Variants in DYNC2H1 observed in about 807,000 individuals in gnomAD.
The protein encoded by DYNC2H1 is dynein cytoplasmic 2 heavy chain 1, also known as cytoplasmic dynein 2 heavy chain 1.
A neutral mutation model predicts 570.0 loss-of-function variants in DYNC2H1; 410 were observed. The observed-to-expected ratio is 0.72, with a 90% CI of 0.66 to 0.78. The LOEUF (loss-of-function observed/expected upper bound fraction) is 0.78. Ranked by LOEUF, DYNC2H1 falls within the 30% of genes least tolerant of loss-of-function variation. The pLI is 0.00. For missense variants in DYNC2H1, 4,865 were observed against 5,046.4 expected (o/e 0.96, Z 1.09); for synonymous variants, 1,688 against 1,677.6 (o/e 1.01, Z -0.15).
intron 18 of DYNC2H1, among the ~76,000 whole-genome samples, chr11:103,144,020 G>T (rs895065400): frequency 6.6e-6 from 1 of 152,120 alleles, no homozygotes; most frequent in Middle Eastern, 3.2e-3. Flanking sequence ...AATACTTAGT[G>T]CACATTTATA....
chr11:103,176,137 T>C (rs72989749), intron 36 of DYNC2H1, 98 bp from the exon 37 acceptor site: 25,913 of 866,600 alleles, frequency 0.03, 479 homozygotes, highest in Middle Eastern at 0.046. Flanking sequence ...CTAGTGCATT[T>C]AATGATTAAT....
chr11:103,222,968 G>A lies in DYNC2H1; in HGVS notation c.9235G>A (p.Ala3079Thr). Reference protein sequence around the residue: ...KNKGSFDPKNAKRASTAAAPL... With the variant: ...KNKGSFDPKNTKRASTAAAPL... ...TCACTTCTCATGGATTTTTCAGAAT[G>A]CTAAGCGTGCCAGTACTGCAGCTGC... The change falls in exon 59 of 89, where the codon GCT (alanine) becomes ACT (threonine). Residue 3079 changes from alanine (A) to threonine (T), a missense_variant. Ala to Thr is a moderately conservative substitution (Grantham distance 58). Transcript: ENST00000375735. The A allele has an allele frequency of 6.2e-7, 1 of 1,612,724 alleles. No individual in the cohort carries two copies. Among genetic ancestry groups the A allele is most frequent in the Non-Finnish European group, 8.5e-7 (1 of 1,179,292 alleles).
chr11:103,390,346 C>G (rs1302836652), intron 83 of DYNC2H1, among the ~76,000 whole-genome samples: 1 of 149,974 alleles, frequency 6.7e-6, no homozygotes. Context: ...TTTCCATTTG[C>G]TTGATAGATT....
chr11:103,212,547 T>C (rs570943374), intron 54 of DYNC2H1, among the ~76,000 whole-genome samples: 3 of 152,264 alleles, frequency 2.0e-5, no homozygotes, highest in African/African-American at 7.2e-5. Context: ...GATTATATTT[T>C]ATAAAGTAAT....
At chr11:103,318,930 C>T (rs1260967163) in intron 80 of DYNC2H1, among the ~76,000 whole-genome samples, 1 of 152,096 alleles carries the variant, frequency 6.6e-6, no homozygotes, top group African/African-American at 2.4e-5. Flanking sequence ...AACTACTTTC[C>T]TGCACTACGT....
chr11:103,340,204 G>T (rs1939374677), intron 82 of DYNC2H1, among the ~76,000 whole-genome samples: 1 of 152,152 alleles, frequency 6.6e-6, no homozygotes, highest in Non-Finnish European at 1.5e-5. Context: ...TGGTGTTCCT[G>T]CATGGGGGAT....
chr11:103,185,415 G>T lies in DYNC2H1; in HGVS notation c.6633+364G>T, dbSNP rs61899766. ...ATCCTTTTAACTAGAGCAGTTTTAGGAATTGGGAATATTAGGATGAATTAA... is the reference window on the plus strand; with the variant it reads ...ATCCTTTTAACTAGAGCAGTTTTAGTAATTGGGAATATTAGGATGAATTAA... On this transcript the variant is annotated intron_variant, in intron 41 of 88. Coordinates refer to ENST00000375735, the MANE Select transcript of DYNC2H1 (RefSeq NM_001377.3). The surrounding 1 kb of genome is among the most constrained non-coding windows in gnomAD (Gnocchi z 4.5). 4.6e-5 allele frequency among the ~76,000 whole-genome samples: 7 copies of T among 151,698 alleles called. No homozygotes were observed. Among genetic ancestry groups the T allele is most frequent in the Admixed American group, 4.6e-4 (7 of 15,182 alleles).
At position 103,203,649 on chromosome 11, in the gene DYNC2H1, AT is replaced by A; in HGVS notation, c.8198-13del. The A allele has an allele frequency of 6.6e-7, 1 of 1,521,404 alleles. No homozygotes were observed. Among genetic ancestry groups the A allele is most frequent in the Non-Finnish European group, 9.0e-7 (1 of 1,116,968 alleles). The allele number at this position is 1,521,404 out of a possible 1,614,324, so 94.2% of individuals were successfully genotyped here. A position where few individuals can be genotyped will look rare whatever the true frequency, so the allele number is the denominator to read the frequency against. On this transcript the variant is annotated splice_polypyrimidine_tract_variant and intron_variant, in intron 50 of 88. Coordinates refer to ENST00000375735, the MANE Select transcript of DYNC2H1 (RefSeq NM_001377.3). This position sits in a 1 kb window ranked among gnomAD's most constrained non-coding sequence, Gnocchi z 4.7. The stretch of plus-strand genomic sequence containing the variant: ...TATTAAAATGTTTTCAATTAGTCTA[AT>A]ATTTTTCTGTAGGTGAAGTTCCTGG...
intron 36 of DYNC2H1, among the ~76,000 whole-genome samples, chr11:103,175,238 G>A (rs1489795348): frequency 1.3e-5 from 2 of 152,238 alleles, no homozygotes; most frequent in Non-Finnish European, 2.9e-5. Flanking sequence ...TAGAAAAAAG[G>A]ACCACATGAA....
chr11:103,143,431 T>G (rs764059692), intron 18 of DYNC2H1, 36 bp downstream of exon 18: 19 of 1,549,352 alleles, frequency 1.2e-5, no homozygotes, highest in South Asian at 2.6e-5. Flanking sequence ...CGTACCATAA[T>G]AATTTTTTGA....
chr11:103,437,556 G>A (rs187782889), intron 85 of DYNC2H1, among the ~76,000 whole-genome samples: 6 of 152,264 alleles, frequency 3.9e-5, no homozygotes, highest in African/African-American at 1.4e-4. Context: ...TTAGCAAGTA[G>A]AGAAGAATCT....
At position 103,109,741 on chromosome 11, in the gene DYNC2H1, C is replaced by G. The variant is rs1343483534; in HGVS notation, c.167C>G (p.Ser56Cys). 14 of 1,613,696 alleles carry G rather than the reference C, an allele frequency of 8.7e-6. No homozygotes were observed. Among genetic ancestry groups the G allele is most frequent in the Non-Finnish European group, 1.7e-6 (2 of 1,179,808 alleles). Residue 56 changes from serine (S) to cysteine (C), a missense_variant, in exon 1 of 89, where the codon TCC becomes TGC. Physicochemically the swap from Ser to Cys is moderately radical, Grantham distance 112. Transcript: ENST00000375735. ...CAGATGCTCCTCAGGGTGCAGCGAT[C>G]CGACGCAGGAATCTCCTTTTCCAAC... ...GNQMLLRVQR[S>C]DAGISFSNTI...
intron 59 of DYNC2H1, 105 bp downstream of exon 59, chr11:103,223,191 G>A: frequency 8.8e-7 from 1 of 1,135,078 alleles, no homozygotes; most frequent in East Asian, 3.0e-5. Context: ...TAAAATGGCA[G>A]TTGACAATAC....
chr11:103,358,370 G>C lies in DYNC2H1; in HGVS notation c.12156+11G>C, dbSNP rs548618600. 2 of 1,525,272 alleles carry C rather than the reference G, an allele frequency of 1.3e-6. No homozygotes were observed. Among genetic ancestry groups the C allele is most frequent in the South Asian group, 2.4e-5 (2 of 84,044 alleles). The allele number at this position is 1,525,272 out of a possible 1,614,324, so 94.5% of individuals were successfully genotyped here. Reference sequence around the variant, plus strand: ...AAGAAACTAAACCAGGTTAGTAGTGGAATATTCTTCTGATTCTTTTGCTTT... The same window carrying C: ...AAGAAACTAAACCAGGTTAGTAGTGCAATATTCTTCTGATTCTTTTGCTTT... On this transcript the variant is annotated intron_variant, in intron 83 of 88. Coordinates refer to ENST00000375735, the MANE Select transcript of DYNC2H1 (RefSeq NM_001377.3).
intron 82 of DYNC2H1, among the ~76,000 whole-genome samples, chr11:103,352,519 T>C (rs1420787292): frequency 1.3e-5 from 2 of 152,198 alleles, no homozygotes; most frequent in Non-Finnish European, 2.9e-5. Context: ...TTTCCAAGTG[T>C]AGGGGGTTAA....
chr11:103,286,994 G>C (rs1043737857), intron 74 of DYNC2H1, among the ~76,000 whole-genome samples: 3 of 152,088 alleles, frequency 2.0e-5, no homozygotes, highest in African/African-American at 7.2e-5. Flanking sequence ...TAAACATCTA[G>C]GAATATCATA....
At chr11:103,194,211 G>C (rs1009783667) in intron 47 of DYNC2H1, among the ~76,000 whole-genome samples, 3 of 152,078 alleles carry the variant, frequency 2.0e-5, no homozygotes, top group Non-Finnish European at 4.4e-5. Context: ...GACTCAACCT[G>C]TTTCTCTGGA....
intron 83 of DYNC2H1, among the ~76,000 whole-genome samples, chr11:103,374,277 A>G (rs959226690): frequency 1.3e-5 from 2 of 152,180 alleles, no homozygotes; most frequent in Admixed American, 1.3e-4. Flanking sequence ...TTCTCATGAT[A>G]GCGAGTGAGT....
intron 83 of DYNC2H1, among the ~76,000 whole-genome samples, chr11:103,360,888 T>A (rs1940603944): frequency 6.6e-6 from 1 of 152,152 alleles, no homozygotes. Context: ...GAAGACCTAT[T>A]TTGGCCTGGA....
Sources: allele counts gnomAD v4.1 joint callset (sites outside exome capture counted in the v4.1 genomes callset), GRCh38; gene constraint gnomAD v4.1.1; non-coding constraint Gnocchi (gnomAD v3.1); transcripts MANE v1.5; gene names NCBI Gene and HGNC (gene_info 2026-07-23, HGNC 2026-07-21).